The following SCYL3 variants were observed in gnomAD, a reference collection of about 807,000 sequenced individuals.
SCYL3 encodes SCY1 like pseudokinase 3, also known as protein-associating with the carboxyl-terminal domain of ezrin.
SCYL3 carries 35 observed loss-of-function variants against 73.8 expected under a neutral mutation model. That is an observed-to-expected ratio of 0.47 (90% CI 0.36 to 0.63). The LOEUF (loss-of-function observed/expected upper bound fraction) is 0.63. Among genes scored for constraint, SCYL3 ranks in the 20% least tolerant of loss-of-function variants. SCYL3 has a pLI of 0.00. For synonymous variants in SCYL3, 277 were observed against 295.2 expected (o/e 0.94, Z 0.63); for missense variants, 712 against 798.9 (o/e 0.89, Z 1.31).
chr1:169,851,620 C>G lies in SCYL3; in HGVS notation c.*2093G>C. On this transcript the variant is annotated 3_prime_UTR_variant, in exon 13 of 13. Coordinates refer to ENST00000367771, the MANE Select transcript of SCYL3 (RefSeq NM_020423.7). ...TTTTCCTGCAAAGACAACTCTATAA[C>G]TAACTATTTTGTAAGGAAGAACACA... 1.5e-6 allele frequency: 1 copy of G among 655,574 alleles called. No individual in the cohort carries two copies. Among genetic ancestry groups the G allele is most frequent in the Non-Finnish European group, 2.5e-6 (1 of 396,386 alleles). The allele number at this position is 655,574 out of a possible 1,614,324, so 40.6% of individuals were successfully genotyped here.
rs1217134696 is a variant in SCYL3, at chr1:169,851,039, A to C, written c.*2674T>G. On this transcript the variant is annotated 3_prime_UTR_variant, in exon 13 of 13. Coordinates refer to ENST00000367771, the MANE Select transcript of SCYL3 (RefSeq NM_020423.7). The stretch of plus-strand genomic sequence containing the variant: ...CAGCCTCCCAAGCCAGGGTAAGCTC[A>C]GGGCCCTTTTTTTTTTTTTTTTTTT... The C allele has an allele frequency of 4.6e-4, 6 of 12,912 alleles. No homozygotes were observed. The highest frequency in any genetic ancestry group is 6.4e-4 in the Non-Finnish European group (4 of 6,208). 0.8% of individuals were successfully genotyped at this position (12,912 alleles called of 1,614,324 possible). A position where few individuals can be genotyped will look rare whatever the true frequency, so the allele number is the denominator to read the frequency against.
intron 2 of SCYL3, among the ~76,000 whole-genome samples, chr1:169,882,445 T>A (rs1314893020): frequency 1.3e-5 from 2 of 152,110 alleles, no homozygotes; most frequent in Non-Finnish European, 2.9e-5. Context: ...CGCCGCCCCC[T>A]GCTCCACGGA....
At chr1:169,883,714 ATTTTT>A (rs11311295) in intron 2 of SCYL3, among the ~76,000 whole-genome samples, 29 of 100,076 alleles carry the variant, frequency 2.9e-4, no homozygotes, top group African/African-American at 9.4e-4. Context: ...CTCCAATTAC[ATTTTT>A]TTTTTTTTTT....
At chr1:169,878,550 T>C (rs1571436217) in intron 3 of SCYL3, 84 bp downstream of exon 3, 2 of 1,152,296 alleles carry the variant, frequency 1.7e-6, no homozygotes, top group East Asian at 2.5e-5. Context: ...ATGAACACCA[T>C]AATTTATAAG....
intron 8 of SCYL3, 87 bp downstream of exon 8, chr1:169,866,809 A>C (rs12133843): frequency 0.7 from 529,139 of 756,322 alleles, 186,471 homozygotes; most frequent in Middle Eastern, 0.84. Flanking sequence ...AACCAAATAT[A>C]TGACTCATCT....
intron 11 of SCYL3, chr1:169,855,918 A>C (rs1659101667): frequency 6.2e-7 from 1 of 1,613,760 alleles, no homozygotes; most frequent in African/African-American, 1.3e-5. Context: ...GATTGGCGAG[A>C]TCTGACTGTG....
intron 3 of SCYL3, 143 bp downstream of exon 3, chr1:169,878,491 A>G (rs1196303404): frequency 4.3e-6 from 3 of 696,884 alleles, no homozygotes; most frequent in African/African-American, 1.8e-5. Flanking sequence ...CCAACATGCT[A>G]TTTTTCCTCA....
At position 169,852,614 on chromosome 1, in the gene SCYL3, C is replaced by CA; in HGVS notation, c.*1098dup. On this transcript the variant is annotated 3_prime_UTR_variant, in exon 13 of 13. Coordinates refer to ENST00000367771, the MANE Select transcript of SCYL3 (RefSeq NM_020423.7). ...AGCACTCTGAATTGCTATGATAAACCAAAATGCCTTTACATATTTTTCTAG... is the reference window on the plus strand; with the variant it reads ...AGCACTCTGAATTGCTATGATAAACCAAAAATGCCTTTACATATTTTTCTAG... The CA allele has an allele frequency of 1.6e-6, 1 of 634,740 alleles. No homozygotes were observed. The highest frequency in any genetic ancestry group is 2.0e-5 in the South Asian group (1 of 48,904). The allele number at this position is 634,740 out of a possible 1,614,324, so 39.3% of individuals were successfully genotyped here.
chr1:169,864,255 C>T, intron 9 of SCYL3, 114 bp downstream of exon 9: 1 of 1,382,580 alleles, frequency 7.2e-7, no homozygotes, highest in Non-Finnish European at 1.0e-6. Flanking sequence ...CAATTGTTCT[C>T]CGTTTTTAGA....
intron 1 of SCYL3, among the ~76,000 whole-genome samples, chr1:169,890,782 CA>C (rs749555516): frequency 1.3e-5 from 2 of 152,132 alleles, no homozygotes; most frequent in African/African-American, 4.8e-5. Flanking sequence ...GACAGAGAAG[CA>C]AAAAACAGTA....
intron 11 of SCYL3, among the ~76,000 whole-genome samples, chr1:169,856,919 GAT>G (rs1558117405): frequency 6.6e-6 from 1 of 152,142 alleles, no homozygotes; most frequent in Non-Finnish European, 1.5e-5. Context: ...AAGCCTATCT[GAT>G]TAACTCTTTT....
chr1:169,855,614 A>G (rs1659063806), intron 11 of SCYL3, among the ~76,000 whole-genome samples: 1 of 152,214 alleles, frequency 6.6e-6, no homozygotes, highest in African/African-American at 2.4e-5. Context: ...TGCACTTCTC[A>G]CCAACTATAA....
chr1:169,882,059 T>G (rs1475293528), intron 2 of SCYL3, among the ~76,000 whole-genome samples: 8 of 152,194 alleles, frequency 5.3e-5, no homozygotes. Flanking sequence ...AGCCCCCTTC[T>G]GGGCTGGCCA....
chr1:169,852,560 T>C lies in SCYL3; in HGVS notation c.*1153A>G. 5.5e-6 allele frequency: 3 copies of C among 545,118 alleles called. No homozygotes were observed. The highest frequency in any genetic ancestry group is 4.6e-5 in the South Asian group (2 of 43,046). The allele number at this position is 545,118 out of a possible 1,614,324, so 33.8% of individuals were successfully genotyped here. A position where few individuals can be genotyped will look rare whatever the true frequency, so the allele number is the denominator to read the frequency against. On this transcript the variant is annotated 3_prime_UTR_variant, in exon 13 of 13. Coordinates refer to ENST00000367771, the MANE Select transcript of SCYL3 (RefSeq NM_020423.7). ...CCTTTGGGACAGGATACTTGTTGTA[T>C]ACCACATACAAACTAAGACACTGGT...
At chr1:169,888,926 T>A (rs1296122019) in intron 1 of SCYL3, 36 bp from the exon 2 acceptor site, 9 of 1,231,474 alleles carry the variant, frequency 7.3e-6, no homozygotes. Flanking sequence ...AAACATTAAA[T>A]CCCTATCTGC....
chr1:169,851,616 A>ATAAC lies in SCYL3; in HGVS notation c.*2093_*2096dup, dbSNP rs777843967. 1.5e-5 allele frequency: 10 copies of ATAAC among 648,078 alleles called. No individual in the cohort carries two copies. The African/African-American group carries it at 1.6e-4, about 11-fold the overall frequency. 40.1% of individuals were successfully genotyped at this position (648,078 alleles called of 1,614,324 possible). On this transcript the variant is annotated 3_prime_UTR_variant, in exon 13 of 13. Transcript: ENST00000367771. ...CATTTTTTCCTGCAAAGACAACTCT[A>ATAAC]TAACTAACTATTTTGTAAGGAAGAA...
Position 169,854,765 on chromosome 1 carries a change from G to A in SCYL3, c.1512C>T (p.Ser504=). 1 of 1,613,922 alleles carries A rather than the reference G, an allele frequency of 6.2e-7. No individual in the cohort carries two copies. The highest frequency in any genetic ancestry group is 8.5e-7 in the Non-Finnish European group (1 of 1,179,930). Reference sequence around the variant, plus strand: ...CTTCCACATCCAAGGTAGTGCACTGGGACTTGACATCATCACAAGGTTCTC... The same window carrying A: ...CTTCCACATCCAAGGTAGTGCACTGAGACTTGACATCATCACAAGGTTCTC... ...WPREPCDDVK[S]QCTTLDVEES... Residue 504 remains serine (S), a synonymous_variant, in exon 12 of 13, where the codon TCC becomes TCT. Transcript: ENST00000367771.
In SCYL3 at chr1:169,870,198, C is replaced by T. The variant is rs1486471920; in HGVS notation, c.625+57G>A. 26 of 1,258,002 alleles carry T rather than the reference C, an allele frequency of 2.1e-5. No homozygotes were observed. The East Asian group carries it at 4.2e-4, about 20-fold the overall frequency. 77.9% of individuals were successfully genotyped at this position (1,258,002 alleles called of 1,614,324 possible). On this transcript the variant is annotated intron_variant, in intron 6 of 12. Transcript: ENST00000367771. The stretch of plus-strand genomic sequence containing the variant: ...AGTCCTTTGAATTCCACACAGAATA[C>T]GTCATGGATGATTTTCCTACTTATT...
intron 2 of SCYL3, among the ~76,000 whole-genome samples, chr1:169,882,025 T>C (rs569352940): frequency 6.6e-6 from 1 of 152,350 alleles, no homozygotes; most frequent in East Asian, 1.9e-4. Context: ...TGAGGAGCCC[T>C]TCAGCCCACC....
Sources: gnomAD v4.1 joint callset for allele counts (sites outside exome capture counted in the v4.1 genomes callset) on GRCh38, gnomAD v4.1.1 for gene constraint, MANE v1.5 for transcripts, NCBI Gene and HGNC (gene_info 2026-07-23, HGNC 2026-07-21) for gene names.